The following TTC39B variants were observed in gnomAD, a reference collection of about 807,000 sequenced individuals.
The protein encoded by TTC39B is tetratricopeptide repeat domain 39B, also known as tetratricopeptide repeat protein 39B.
Under a neutral mutation model 96.6 loss-of-function variants are expected in TTC39B, and 92 were observed. The observed-to-expected ratio is 0.95, with a 90% CI of 0.80 to 1.13. The LOEUF (loss-of-function observed/expected upper bound fraction) is 1.13, where lower values mean the gene tolerates loss of function less well. Ranked by LOEUF, TTC39B falls within the 50% of genes most tolerant of loss-of-function variation. The pLI is 0.00. For missense variants in TTC39B, 955 were observed against 809.3 expected, an observed-to-expected ratio of 1.18 and a Z score of -2.18; for synonymous variants, 367 against 299.4, an observed-to-expected ratio of 1.23 and a Z score of -2.33.
At chr9:15,267,695 T>TTGTTACAAGAAATAATACTCAGAAATGTA (rs1249115367) in intron 2 of TTC39B, among the ~76,000 whole-genome samples, 1 of 152,212 alleles carries the variant, frequency 6.6e-6, no homozygotes, top group African/African-American at 2.4e-5. Flanking sequence ...ATATTTTATT[T>TTGTTACAAGAAATAATACTCAGAAATGTA]TGTTACAAGA....
intron 2 of TTC39B, among the ~76,000 whole-genome samples, chr9:15,235,506 T>C (rs991933436): frequency 5.3e-5 from 8 of 152,286 alleles, no homozygotes; most frequent in African/African-American, 1.9e-4. Flanking sequence ...CCAAGGCATA[T>C]AGTCATCAGA....
chr9:15,286,622 G>A (rs1452775965), intron 1 of TTC39B, among the ~76,000 whole-genome samples: 3 of 152,180 alleles, frequency 2.0e-5, no homozygotes, highest in African/African-American at 7.2e-5. Flanking sequence ...TAAACATCAT[G>A]TTCCTCACCC....
At chr9:15,172,448 T>C (rs993555403) in intron 19 of TTC39B, among the ~76,000 whole-genome samples, 1 of 152,152 alleles carries the variant, frequency 6.6e-6, no homozygotes, top group Non-Finnish European at 1.5e-5. Context: ...CTTCCTTTTT[T>C]AAATTGGAAA....
intron 1 of TTC39B, among the ~76,000 whole-genome samples, chr9:15,279,252 G>A (rs1823660251): frequency 1.3e-5 from 2 of 152,198 alleles, no homozygotes; most frequent in Non-Finnish European, 2.9e-5. Context: ...CTATCCAGCT[G>A]TAACAGAAAA....
At chr9:15,288,253 C>T (rs1341240943) in intron 1 of TTC39B, among the ~76,000 whole-genome samples, 1 of 152,154 alleles carries the variant, frequency 6.6e-6, no homozygotes, top group African/African-American at 2.4e-5. Flanking sequence ...GCCCCATTCT[C>T]AGGCCTGGAA....
chr9:15,272,712 A>T (rs1395567938), intron 1 of TTC39B, among the ~76,000 whole-genome samples: 1 of 152,124 alleles, frequency 6.6e-6, no homozygotes, highest in African/African-American at 2.4e-5. Context: ...ATTCTTTATG[A>T]ATCTGCTTTC....
intron 6 of TTC39B, among the ~76,000 whole-genome samples, chr9:15,204,340 C>A (rs1211692910): frequency 2.0e-5 from 3 of 151,974 alleles, no homozygotes; most frequent in Admixed American, 6.6e-5. Context: ...ACCAGCCTGA[C>A]CAACAGGCAG....
At chr9:15,265,799 T>G (rs1050045300) in intron 2 of TTC39B, among the ~76,000 whole-genome samples, 1 of 152,148 alleles carries the variant, frequency 6.6e-6, no homozygotes, top group Non-Finnish European at 1.5e-5. Flanking sequence ...ATCTGGGGTC[T>G]TCTTCCCAAA....
At chr9:15,301,447 G>A (rs1824585442) in intron 1 of TTC39B, among the ~76,000 whole-genome samples, 2 of 152,284 alleles carry the variant, frequency 1.3e-5, no homozygotes, top group East Asian at 3.9e-4. Context: ...TTCAATGAAC[G>A]TTGGTGGAAT....
chr9:15,284,969 A>T (rs933839831), intron 1 of TTC39B, among the ~76,000 whole-genome samples: 13 of 152,230 alleles, frequency 8.5e-5, no homozygotes, highest in African/African-American at 3.1e-4. Context: ...TTTTATAACT[A>T]AGATCCTTTC....
At chr9:15,258,900 A>G (rs1186825519) in intron 2 of TTC39B, among the ~76,000 whole-genome samples, 1 of 152,176 alleles carries the variant, frequency 6.6e-6, no homozygotes, top group Non-Finnish European at 1.5e-5. Context: ...GAAAAGCAGC[A>G]TTTATAGGAT....
At chr9:15,267,074 G>A (rs771921350) in intron 2 of TTC39B, among the ~76,000 whole-genome samples, 4 of 151,978 alleles carry the variant, frequency 2.6e-5, no homozygotes, top group African/African-American at 7.2e-5. Context: ...GCGAGACTCC[G>A]TCTCAAAAAA....
In TTC39B at chr9:15,210,082, T is replaced by A. The variant is rs1820105656; in HGVS notation, c.691+6A>T. 6.3e-7 allele frequency: 1 copy of A among 1,589,714 alleles called. No individual in the cohort carries two copies. The highest frequency in any genetic ancestry group is 8.6e-7 in the Non-Finnish European group (1 of 1,168,308). On this transcript the variant is annotated splice_donor_region_variant and intron_variant, in intron 6 of 19. Transcript: ENST00000512701. ...GGAAAAAAGTGATCTTTTAAATGAC[T>A]TTTACCTTCACTCAGTTGCTCCAGG...
At chr9:15,254,639 G>C (rs1423857543) in intron 2 of TTC39B, among the ~76,000 whole-genome samples, 1 of 151,966 alleles carries the variant, frequency 6.6e-6, no homozygotes, top group Non-Finnish European at 1.5e-5. Flanking sequence ...GAGACAAAGA[G>C]AATGTATCGT....
exon 20 of TTC39B, chr9:15,171,441 T>A (rs138071995): frequency 6.6e-6 from 1 of 152,282 alleles, no homozygotes; most frequent in Non-Finnish European, 1.5e-5. Context: ...AACCACTAAC[T>A]GAATACTGCA....
At chr9:15,291,811 A>G (rs536553688) in intron 1 of TTC39B, among the ~76,000 whole-genome samples, 20 of 152,294 alleles carry the variant, frequency 1.3e-4, no homozygotes, top group African/African-American at 4.8e-4. Flanking sequence ...ATCTGTTCCT[A>G]GCAAGGCATG....
chr9:15,296,237 GT>G (rs1824371177), intron 1 of TTC39B, among the ~76,000 whole-genome samples: 1 of 152,162 alleles, frequency 6.6e-6, no homozygotes, highest in South Asian at 2.1e-4. Context: ...TAGTCCGAAG[GT>G]AAAAGTCTAT....
chr9:15,257,919 C>T (rs1284595694), intron 2 of TTC39B, among the ~76,000 whole-genome samples: 2 of 152,022 alleles, frequency 1.3e-5, no homozygotes, highest in African/African-American at 4.8e-5. Flanking sequence ...ATTAGCCGGG[C>T]ACGGTGGCGG....
intron 1 of TTC39B, among the ~76,000 whole-genome samples, chr9:15,285,671 G>T (rs1294955567): frequency 6.6e-6 from 1 of 152,104 alleles, no homozygotes; most frequent in Non-Finnish European, 1.5e-5. Flanking sequence ...TGGCTAACAC[G>T]ATGAAACCCC....
Sources: gnomAD v4.1 joint callset for allele counts (sites outside exome capture counted in the v4.1 genomes callset) on GRCh38, gnomAD v4.1.1 for gene constraint, MANE v1.5 for transcripts, NCBI Gene and HGNC (gene_info 2026-07-23, HGNC 2026-07-21) for gene names.